CUBN: variants seen among roughly 807,000 people sequenced by gnomAD.
CUBN encodes 460 kDa receptor.
Under a neutral mutation model 405.3 loss-of-function variants are expected in CUBN, and 282 were observed. The observed-to-expected ratio is 0.70, with a 90% CI of 0.63 to 0.77. The LOEUF is 0.77. Ranked by LOEUF, CUBN falls within the 30% of genes least tolerant of loss-of-function variation. The pLI is 0.00. For synonymous variants in CUBN, 1,684 were observed against 1,617.0 expected, an observed-to-expected ratio of 1.04 and a Z score of -0.99; for missense variants, 4,514 against 4,475.2, an observed-to-expected ratio of 1.01 and a Z score of -0.25.
In CUBN at chr10:16,933,128, G is replaced by C. The variant is rs1489421941; in HGVS notation, c.6083C>G (p.Ser2028Cys). 3.7e-6 allele frequency: 6 copies of C among 1,614,108 alleles called. No homozygotes were observed. The highest frequency in any genetic ancestry group is 5.1e-6 in the Non-Finnish European group (6 of 1,179,992). Residue 2028 changes from serine to cysteine, a missense_variant, in exon 40 of 67, where the codon TCT (serine) becomes TGT (cysteine). Physicochemically the swap from Ser to Cys is moderately radical, Grantham distance 112. Coordinates refer to ENST00000377833, the MANE Select transcript of CUBN (RefSeq NM_001081.4). ...GCTATCATAGGCACACGTTCGGTGAGATTCAATGTCCAGGGAAAGAATGTT... is the reference window on the plus strand; with the variant it reads ...GCTATCATAGGCACACGTTCGGTGACATTCAATGTCCAGGGAAAGAATGTT... ...ELNILSLDIE[S>C]HRTCAYDSLV...
chr10:16,977,457 C>G (rs1404143528), intron 31 of CUBN, among the ~76,000 whole-genome samples: 1 of 152,144 alleles, frequency 6.6e-6, no homozygotes, highest in Non-Finnish European at 1.5e-5. Flanking sequence ...CAGGGTCAGT[C>G]AAAGAAGAAA....
intron 16 of CUBN, among the ~76,000 whole-genome samples, chr10:17,085,274 C>T (rs921545413): frequency 3.3e-5 from 5 of 152,150 alleles, no homozygotes; most frequent in Admixed American, 6.5e-5. Context: ...CTGCACTGCT[C>T]GCATGCACAA....
rs186099397 is a variant in CUBN, at chr10:17,068,799, T to C, written c.2626-29A>G. ...AAATTAGAGAAGATATGTTCAAATA[T>C]GTTGTATATCAATTTTGAAAACTGC... On this transcript the variant is annotated intron_variant, in intron 19 of 66. Coordinates refer to ENST00000377833, the MANE Select transcript of CUBN (RefSeq NM_001081.4). The C allele has an allele frequency of 1.8e-5, 28 of 1,547,456 alleles. No individual in the cohort carries two copies. The African/African-American group carries it at 1.9e-4, about 11-fold the overall frequency.
At chr10:16,962,457 G>A (rs1843256561) in intron 31 of CUBN, among the ~76,000 whole-genome samples, 1 of 151,786 alleles carries the variant, frequency 6.6e-6, no homozygotes, top group African/African-American at 2.4e-5. Context: ...TAGGGGTGGG[G>A]GGTGGTAGGC....
chr10:16,888,334 A>G (rs113043461), intron 56 of CUBN, 83 bp downstream of exon 56: 2 of 1,093,902 alleles, frequency 1.8e-6, no homozygotes, highest in Admixed American at 2.0e-5. Context: ...CAACATGTAC[A>G]TATGTCAAAA....
At chr10:16,856,118 ATAT>A (rs1009072776) in intron 59 of CUBN, among the ~76,000 whole-genome samples, 33 of 152,336 alleles carry the variant, frequency 2.2e-4, no homozygotes, top group African/African-American at 7.2e-4. Flanking sequence ...TCAGAAAGTC[ATAT>A]ATATTTACCA....
Position 17,129,778 on chromosome 10 carries a change from T to C in CUBN, c.-13A>G, listed in dbSNP as rs1837277557. 3 of 1,613,746 alleles carry C rather than the reference T, an allele frequency of 1.9e-6. No homozygotes were observed. In the African/African-American group the frequency reaches 4.0e-5, roughly 22 times the overall value. ...ACATGTTCATCATCAACCTCCCAGG[T>C]TGGCAGGTAAGAGTGAGGCCACTCC... On this transcript the variant is annotated 5_prime_UTR_variant, in exon 1 of 67. Coordinates refer to ENST00000377833, the MANE Select transcript of CUBN (RefSeq NM_001081.4).
At chr10:17,029,183 T>C (rs925633855) in intron 27 of CUBN, among the ~76,000 whole-genome samples, 8 of 152,240 alleles carry the variant, frequency 5.3e-5, no homozygotes, top group Admixed American at 2.0e-4. Flanking sequence ...GAGTTTCTTT[T>C]GAATCTGAGA....
chr10:17,011,402 G>A (rs186105266), intron 28 of CUBN, among the ~76,000 whole-genome samples: 611 of 152,110 alleles, frequency 4.0e-3, no homozygotes, highest in South Asian at 6.2e-3. Flanking sequence ...TGAGTGTTAC[G>A]GCCCTTAAAG....
At chr10:17,084,242 T>C in intron 17 of CUBN, 29 bp downstream of exon 17, 1 of 1,609,884 alleles carries the variant, frequency 6.2e-7, no homozygotes, top group Non-Finnish European at 8.5e-7. Context: ...ATGAATGTCA[T>C]CTAAGGGCGA....
At position 16,876,199 on chromosome 10, in the gene CUBN, G is replaced by A. The variant is rs58181545; in HGVS notation, c.9106+698C>T. ...ACTCAAGAAAGATGTTACAAGATTT[G>A]TGTGCCAGTTTGACTGCAGCTGAGA... On this transcript the variant is annotated intron_variant, in intron 57 of 66. Coordinates refer to ENST00000377833, the MANE Select transcript of CUBN (RefSeq NM_001081.4). Among the ~76,000 whole-genome samples the A allele has an allele frequency of 1.6e-3, 250 of 152,320 alleles. 4 individuals are homozygous for A. In the East Asian group the frequency reaches 0.04, roughly 25 times the overall value.
At chr10:17,006,559 G>A (rs564530207) in intron 28 of CUBN, among the ~76,000 whole-genome samples, 29 of 152,270 alleles carry the variant, frequency 1.9e-4, no homozygotes, top group African/African-American at 6.5e-4. Context: ...GATAAACAAA[G>A]GCTAATGAAA....
intron 58 of CUBN, among the ~76,000 whole-genome samples, chr10:16,871,257 G>A (rs1840345128): frequency 6.6e-6 from 1 of 151,602 alleles, no homozygotes; most frequent in Admixed American, 6.6e-5. Flanking sequence ...GGCCAGGCTG[G>A]TCTTGAACTT....
chr10:17,125,976 G>T (rs1285432160), intron 4 of CUBN, among the ~76,000 whole-genome samples: 2 of 152,180 alleles, frequency 1.3e-5, no homozygotes, highest in African/African-American at 4.8e-5. Context: ...TTGCCAGAAT[G>T]GTGGGACCTG....
chr10:17,107,961 A>G (rs370396727), intron 10 of CUBN, among the ~76,000 whole-genome samples: 226 of 152,286 alleles, frequency 1.5e-3, no homozygotes, highest in African/African-American at 5.3e-3. Flanking sequence ...TGGAGTAAGC[A>G]AGCTCTGAAA....
chr10:16,878,934 T>C (rs1198729140), intron 56 of CUBN, among the ~76,000 whole-genome samples: 1 of 152,240 alleles, frequency 6.6e-6, no homozygotes, highest in South Asian at 2.1e-4. Flanking sequence ...CTTTTTATAG[T>C]GATAGCACAT....
intron 28 of CUBN, among the ~76,000 whole-genome samples, chr10:17,009,196 G>T (rs1042463855): frequency 1.3e-5 from 2 of 152,194 alleles, no homozygotes; most frequent in Non-Finnish European, 2.9e-5. Context: ...TACATATTGT[G>T]AGCAGCACAG....
chr10:16,848,959 C>T (rs140125923), intron 60 of CUBN, among the ~76,000 whole-genome samples: 7 of 152,224 alleles, frequency 4.6e-5, no homozygotes, highest in African/African-American at 1.4e-4. Context: ...CTACCTCTGC[C>T]TCCCAGTGTG....
rs1173135007 is a variant in CUBN, at chr10:17,071,544, T to C, written c.2507A>G (p.Tyr836Cys). ...VIRSPFFPNV[Y>C]PGERTCRWTI... ...CCACCTACAGGTTCTTTCTCCAGGA[T>C]ACACGTTAGGAAAAAAAGGCGAGCG... is the stretch of plus-strand genomic sequence containing the variant. Residue 836 changes from tyrosine (Y) to cysteine (C), a missense_variant, in exon 19 of 67, where the codon TAT (tyrosine) becomes TGT (cysteine). Physicochemically the swap from Tyr to Cys is radical, Grantham distance 194 (BLOSUM62 -2). Around this residue, in one of 5 missense-constraint regions of CUBN, gnomAD observed 1,448 missense variants for 1,388.0 expected, o/e 1.04. Coordinates refer to ENST00000377833, the MANE Select transcript of CUBN (RefSeq NM_001081.4). 3 of 1,613,866 alleles carry C rather than the reference T, an allele frequency of 1.9e-6. No individual in the cohort carries two copies. Among genetic ancestry groups the C allele is most frequent in the Non-Finnish European group, 2.5e-6 (3 of 1,179,938 alleles).
Sources: gnomAD v4.1 joint callset for allele counts (sites outside exome capture counted in the v4.1 genomes callset) on GRCh38, gnomAD v4.1.1 for gene constraint, gnomAD v4.1.1 regional missense constraint, MANE v1.5 for transcripts, NCBI Gene and HGNC (gene_info 2026-07-23, HGNC 2026-07-21) for gene names.